EMCN: variants seen among roughly 807,000 people sequenced by gnomAD.
EMCN encodes the protein endomucin, also known as MUC-14.
A neutral mutation model predicts 38.4 loss-of-function variants in EMCN; 37 were observed. The observed-to-expected ratio is 0.96, with a 90% CI of 0.74 to 1.27. The LOEUF is 1.27. EMCN is among the 50% of genes most tolerant of loss of function. The pLI is 0.00. For missense variants in EMCN, 318 were observed against 302.8 expected (o/e 1.05, Z -0.37); for synonymous variants, 95 against 100.8 (o/e 0.94, Z 0.35).
chr4:100,445,459 A>G (rs1404507761), intron 5 of EMCN, among the ~76,000 whole-genome samples: 1 of 152,196 alleles, frequency 6.6e-6, no homozygotes, highest in Non-Finnish European at 1.5e-5. Flanking sequence ...TAGCTGCATA[A>G]TGTTAAAGAA....
intron 10 of EMCN, among the ~76,000 whole-genome samples, chr4:100,411,277 G>A (rs1389149120): frequency 6.6e-6 from 1 of 152,056 alleles, no homozygotes; most frequent in Non-Finnish European, 1.5e-5. Flanking sequence ...AGCACCCCCA[G>A]CCCCTGCTCC....
intron 11 of EMCN, among the ~76,000 whole-genome samples, chr4:100,400,362 T>TG (rs949817555): frequency 5.0e-4 from 76 of 151,918 alleles, no homozygotes; most frequent in African/African-American, 1.3e-3. Context: ...CATTTTTTTT[T>TG]TTTGTTTTTT....
chr4:100,512,119 A>G (rs1729639505), intron 1 of EMCN, among the ~76,000 whole-genome samples: 1 of 152,232 alleles, frequency 6.6e-6, no homozygotes, highest in Non-Finnish European at 1.5e-5. Context: ...TTGCCATAGC[A>G]ATGGCTGGAG....
Position 100,473,380 on chromosome 4 carries a change from TTTTTTG to T in EMCN, c.259+1652_259+1657del, listed in dbSNP as rs1340645016. Among the ~76,000 whole-genome samples, 141 of 127,512 alleles carry T rather than the reference TTTTTTG, an allele frequency of 1.1e-3. 3 individuals are homozygous for T. The highest frequency in any genetic ancestry group is 1.4e-3 in the African/African-American group (47 of 32,604). The allele number at this position is 127,512 out of a possible 152,430, so 83.7% of individuals were successfully genotyped here. A position where few individuals can be genotyped will look rare whatever the true frequency, so the allele number is the denominator to read the frequency against. ...CCCGTTTCGTGTTTTTTTGTTTTTTTTTTTTGTTTTTTTTTTTGCTAATGACATCAC... is the reference window on the plus strand; with the variant it reads ...CCCGTTTCGTGTTTTTTTGTTTTTTTTTTTTTTTTTTGCTAATGACATCAC... On this transcript the variant is annotated intron_variant, in intron 3 of 11. Coordinates refer to ENST00000296420, the MANE Select transcript of EMCN (RefSeq NM_016242.4).
Position 100,396,079 on chromosome 4 carries a change from T to C in EMCN, c.*2334A>G, listed in dbSNP as rs1726110876. 1 of 152,306 alleles carries C rather than the reference T, an allele frequency of 6.6e-6. No individual in the cohort carries two copies. The highest frequency in any genetic ancestry group is 1.9e-4 in the East Asian group (1 of 5,186). 9.4% of individuals were successfully genotyped at this position (152,306 alleles called of 1,614,324 possible). A position where few individuals can be genotyped will look rare whatever the true frequency, so the allele number is the denominator to read the frequency against. ...ATCTAAATCAGATAATTAAAACATA[T>C]TTGATTAATGGTAATTTTGGCTTGA... On this transcript the variant is annotated 3_prime_UTR_variant, in exon 12 of 12. Coordinates refer to ENST00000296420, the MANE Select transcript of EMCN (RefSeq NM_016242.4).
chr4:100,461,523 A>G (rs2110259349), intron 4 of EMCN, among the ~76,000 whole-genome samples: 1 of 152,296 alleles, frequency 6.6e-6, no homozygotes, highest in East Asian at 1.9e-4. Context: ...TTTTTAATTC[A>G]AAAAGCCCAC....
chr4:100,421,341 A>G lies in EMCN; in HGVS notation c.605T>C (p.Ile202Thr). The G allele has an allele frequency of 6.2e-7, 1 of 1,612,906 alleles. No homozygotes were observed. Among genetic ancestry groups the G allele is most frequent in the Non-Finnish European group, 8.5e-7 (1 of 1,179,148 alleles). Reference sequence around the variant, plus strand: ...CACCAGAACAAATACTGAAAGTGTTATTACAATCAAAGCAATAACCACCGG... The same window carrying G: ...CACCAGAACAAATACTGAAAGTGTTGTTACAATCAAAGCAATAACCACCGG... ...ILPVVIALIVITLSVFVLVGL... is the reference protein window; with the variant it reads ...ILPVVIALIVTTLSVFVLVGL... The change falls in exon 8 of 12, where the codon ATA becomes ACA. Residue 202 changes from isoleucine to threonine, a missense_variant. Transcript: ENST00000296420.
At chr4:100,472,892 C>T (rs540346707) in intron 3 of EMCN, among the ~76,000 whole-genome samples, 3 of 150,888 alleles carry the variant, frequency 2.0e-5, no homozygotes, top group African/African-American at 7.3e-5. Context: ...TACTGGCATA[C>T]ATTCTTAAAT....
At position 100,450,184 on chromosome 4, in the gene EMCN, G is replaced by T. The variant is rs75048619; in HGVS notation, c.377-2613C>A. Among the ~76,000 whole-genome samples the T allele has an allele frequency of 3.3e-3, 508 of 152,060 alleles. 6 individuals carry two copies. Among genetic ancestry groups the T allele is most frequent in the African/African-American group, 0.012 (479 of 41,542 alleles). The stretch of plus-strand genomic sequence containing the variant: ...AAGTCAAATAGCAAATTAGCAGTGT[G>T]CTTAGTTAACCATTCTCAAACTTAG... On this transcript the variant is annotated intron_variant, in intron 4 of 11. Transcript: ENST00000296420.
In EMCN at chr4:100,430,874, C is replaced by T. The variant is rs559542091; in HGVS notation, c.416-7470G>A. On this transcript the variant is annotated intron_variant, in intron 5 of 11. Coordinates refer to ENST00000296420, the MANE Select transcript of EMCN (RefSeq NM_016242.4). ...TTAATTTTCTAAACATCCTAAAATC[C>T]TATGTTAAAAAAATCTAGATATTAC... is the stretch of plus-strand genomic sequence containing the variant. Among the ~76,000 whole-genome samples, 4 of 152,078 alleles carry T rather than the reference C, an allele frequency of 2.6e-5. No homozygotes were observed. The South Asian group carries it at 8.3e-4, about 32-fold the overall frequency.
At chr4:100,508,500 C>G (rs1474490145) in intron 1 of EMCN, among the ~76,000 whole-genome samples, 1 of 151,894 alleles carries the variant, frequency 6.6e-6, no homozygotes, top group Non-Finnish European at 1.5e-5. Flanking sequence ...GCACAAAGGG[C>G]GTTTGGATTA....
intron 7 of EMCN, among the ~76,000 whole-genome samples, 199 bp downstream of exon 7, chr4:100,422,822 C>CTTTT (rs71878999): frequency 8.2e-6 from 1 of 122,666 alleles, no homozygotes; most frequent in Non-Finnish European, 1.9e-5. Flanking sequence ...TCTTTCTTTT[C>CTTTT]TTTTTTTTTT....
rs115298670 is a variant in EMCN, at chr4:100,511,537, C to A, written c.64+6314G>T. Among the ~76,000 whole-genome samples the A allele has an allele frequency of 7.7e-3, 1,178 of 152,272 alleles. 9 individuals are homozygous for A. The highest frequency in any genetic ancestry group is 0.03 in the Admixed American group (465 of 15,300). ...TCAATGACATCAACATTTTTTACTACTAACCTCACAGTATAATTCATTACT... is the reference window on the plus strand; with the variant it reads ...TCAATGACATCAACATTTTTTACTAATAACCTCACAGTATAATTCATTACT... On this transcript the variant is annotated intron_variant, in intron 1 of 11. Coordinates refer to ENST00000296420, the MANE Select transcript of EMCN (RefSeq NM_016242.4).
intron 1 of EMCN, among the ~76,000 whole-genome samples, chr4:100,506,034 TG>T (rs1227983354): frequency 6.6e-6 from 1 of 152,136 alleles, no homozygotes; most frequent in Non-Finnish European, 1.5e-5. Context: ...AAAGAGATAG[TG>T]GGAAACAAAA....
chr4:100,407,199 G>A (rs546987703), intron 11 of EMCN, among the ~76,000 whole-genome samples: 2 of 152,246 alleles, frequency 1.3e-5, no homozygotes, highest in South Asian at 4.1e-4. Flanking sequence ...TGCCTTTTAA[G>A]TGGAGTGTTT....
chr4:100,445,951 C>G (rs184990977), intron 5 of EMCN: 5 of 578,122 alleles, frequency 8.6e-6, no homozygotes, highest in Non-Finnish European at 4.4e-6. Flanking sequence ...TTACATAACT[C>G]GAAAAATAAA....
intron 5 of EMCN, among the ~76,000 whole-genome samples, chr4:100,424,412 G>A (rs1044757035): frequency 6.6e-6 from 1 of 152,010 alleles, no homozygotes; most frequent in South Asian, 2.1e-4. Context: ...GTCAAATGTA[G>A]CTGACACTAA....
intron 1 of EMCN, among the ~76,000 whole-genome samples, chr4:100,516,362 A>G (rs1322051788): frequency 6.6e-6 from 1 of 151,950 alleles, no homozygotes; most frequent in Non-Finnish European, 1.5e-5. Context: ...CCGGCAAAGT[A>G]TTGCACTCGT....
At chr4:100,496,236 C>T (rs1484210963) in intron 1 of EMCN, among the ~76,000 whole-genome samples, 2 of 152,206 alleles carry the variant, frequency 1.3e-5, no homozygotes, top group South Asian at 4.1e-4. Flanking sequence ...TACTACTCTT[C>T]CTATCCTCCT....
Sources: allele counts gnomAD v4.1 joint callset (sites outside exome capture counted in the v4.1 genomes callset), GRCh38; gene constraint gnomAD v4.1.1; transcripts MANE v1.5; gene names NCBI Gene and HGNC (gene_info 2026-07-23, HGNC 2026-07-21).